RIGI: variants seen among roughly 807,000 people sequenced by gnomAD.
RIGI encodes the protein RNA sensor RIG-I, also known as antiviral innate immune response receptor RIG-I.
chr9:32,472,687 T>C, the RIGI span, among the ~76,000 whole-genome samples: 1 of 152,222 alleles, frequency 6.6e-6, no homozygotes, highest in Admixed American at 6.5e-5. Flanking sequence ...CGCTTCAGAC[T>C]TGCTTTGCCA....
the RIGI span, among the ~76,000 whole-genome samples, chr9:32,521,429 CA>C: frequency 6.6e-6 from 1 of 152,062 alleles, no homozygotes; most frequent in Non-Finnish European, 1.5e-5. Flanking sequence ...AGTCGCCTAT[CA>C]AAGGGTAAAT....
the RIGI span, among the ~76,000 whole-genome samples, chr9:32,506,257 C>T: frequency 3.3e-5 from 5 of 152,138 alleles, no homozygotes; most frequent in East Asian, 9.6e-4. Flanking sequence ...ATAAATGAAT[C>T]AATGAAGGAA....
chr9:32,488,083 T>C, the RIGI span: 1 of 1,614,176 alleles, frequency 6.2e-7, no homozygotes, highest in Non-Finnish European at 8.5e-7. Context: ...ATGGAATCGT[T>C]CCCTTTTTAA....
the RIGI span, among the ~76,000 whole-genome samples, chr9:32,521,495 T>C: frequency 8.5e-5 from 13 of 152,294 alleles, no homozygotes; most frequent in South Asian, 2.7e-3. Context: ...CGACCTGTGA[T>C]CCTATTTTGT....
At chr9:32,473,961 T>G in the RIGI span, among the ~76,000 whole-genome samples, 2 of 152,022 alleles carry the variant, frequency 1.3e-5, no homozygotes, top group African/African-American at 4.8e-5. Context: ...CGGGGAGGCA[T>G]AGGTTGCAGT....
At chr9:32,517,436 A>C in the RIGI span, among the ~76,000 whole-genome samples, 3 of 152,244 alleles carry the variant, frequency 2.0e-5, no homozygotes, top group Non-Finnish European at 4.4e-5. Flanking sequence ...TATACCTACC[A>C]AATTGGCTTA....
the RIGI span, among the ~76,000 whole-genome samples, chr9:32,499,322 T>G: frequency 6.8e-6 from 1 of 148,078 alleles, no homozygotes. Context: ...ATTTGTTTTT[T>G]TTTTTTTTTT....
the RIGI span, among the ~76,000 whole-genome samples, chr9:32,460,647 T>C: frequency 3.3e-5 from 5 of 152,002 alleles, no homozygotes; most frequent in African/African-American, 9.7e-5. Context: ...AACTGAAAGA[T>C]ACAACCAAAA....
At chr9:32,467,758 T>A in the RIGI span, 2 of 1,569,512 alleles carry the variant, frequency 1.3e-6, no homozygotes, top group Non-Finnish European at 1.7e-6. Context: ...AAAGCTTCTC[T>A]TACCTCTGGT....
chr9:32,497,977 G>A, the RIGI span, among the ~76,000 whole-genome samples: 1 of 152,170 alleles, frequency 6.6e-6, no homozygotes, highest in Non-Finnish European at 1.5e-5. Flanking sequence ...ATAATATCCA[G>A]ATTAATCATA....
the RIGI span, among the ~76,000 whole-genome samples, chr9:32,509,639 C>T: frequency 1.3e-5 from 2 of 152,058 alleles, no homozygotes; most frequent in African/African-American, 2.4e-5. Context: ...GATGAGGAAA[C>T]GCCAGTGCAA....
At chr9:32,521,139 C>CAAAAAAAAAAAAAAAAAA in the RIGI span, among the ~76,000 whole-genome samples, 242 of 32,772 alleles carry the variant, frequency 7.4e-3, 51 homozygotes, top group Non-Finnish European at 0.012. Flanking sequence ...GACACCATCT[C>CAAAAAAAAAAAAAAAAAA]AAAAAAAAAA....
the RIGI span, among the ~76,000 whole-genome samples, chr9:32,499,647 G>A: frequency 6.6e-5 from 10 of 151,950 alleles, no homozygotes; most frequent in Non-Finnish European, 1.5e-5. Flanking sequence ...GTAAAGACAG[G>A]GTTTTGCCAA....
the RIGI span, among the ~76,000 whole-genome samples, chr9:32,503,851 G>A: frequency 6.6e-6 from 1 of 152,108 alleles, no homozygotes; most frequent in Non-Finnish European, 1.5e-5. Context: ...AGACCAGCCT[G>A]GCCAACATGG....
chr9:32,518,878 T>A, the RIGI span, among the ~76,000 whole-genome samples: 1 of 152,172 alleles, frequency 6.6e-6, no homozygotes, highest in African/African-American at 2.4e-5. Context: ...CCTGGCCAAT[T>A]TTTGTATTTT....
the RIGI span, among the ~76,000 whole-genome samples, chr9:32,470,038 T>G: frequency 6.6e-6 from 1 of 152,344 alleles, no homozygotes; most frequent in Non-Finnish European, 1.5e-5. Context: ...GCAGGCAGCT[T>G]TATTTTCAGA....
the RIGI span, among the ~76,000 whole-genome samples, chr9:32,474,727 C>T: frequency 3.3e-5 from 5 of 152,226 alleles, no homozygotes; most frequent in South Asian, 4.1e-4. Context: ...GATCTTCAGC[C>T]GGAAACACCC....
chr9:32,487,659 G>T, the RIGI span: 34 of 1,606,828 alleles, frequency 2.1e-5, no homozygotes, highest in Non-Finnish European at 2.9e-5. Context: ...AAAATCATTA[G>T]ATGTCTGAGA....
chr9:32,492,288 A>AG, the RIGI span: 1 of 1,263,702 alleles, frequency 7.9e-7, no homozygotes, highest in Non-Finnish European at 1.1e-6. Flanking sequence ...TTAGAGATGT[A>AG]GCTCTGGCTA....
Sources: gnomAD v4.1 joint callset for allele counts (sites outside exome capture counted in the v4.1 genomes callset) on GRCh38, gnomAD v4.1.1 for gene constraint, MANE v1.5 for transcripts, NCBI Gene and HGNC (gene_info 2026-07-23, HGNC 2026-07-21) for gene names.